The following RORA variants were observed in gnomAD, a reference collection of about 807,000 sequenced individuals.
RORA encodes RAR related orphan receptor A, also known as nuclear receptor ROR-alpha.
Under a neutral mutation model 69.5 loss-of-function variants are expected in RORA, and 7 were observed. That is an observed-to-expected ratio of 0.10 (90% confidence interval 0.06 to 0.19). The LOEUF is 0.19. RORA is among the 10% of genes least tolerant of loss of function. The pLI, the probability that RORA is intolerant of heterozygous loss-of-function variation, is 1.00. For missense variants in RORA, 457 were observed against 663.0 expected (o/e 0.69, Z 3.41); for synonymous variants, 261 against 240.8 (o/e 1.08, Z -0.78).
Position 61,053,860 on chromosome 15 carries a change from T to TATATATATATATATATATAA in RORA, c.166+175192_166+175193insTTATATATATATATATATAT, listed in dbSNP as rs1427951896. Among the ~76,000 whole-genome samples, 7 of 139,476 alleles carry TATATATATATATATATATAA rather than the reference T, an allele frequency of 5.0e-5. 1 individual carries two copies. Among genetic ancestry groups the TATATATATATATATATATAA allele is most frequent in the African/African-American group, 1.9e-4 (7 of 37,444 alleles). The allele number at this position is 139,476 out of a possible 152,430, so 91.5% of individuals were successfully genotyped here. ...GTTTAGACTTCATGATATATATATA[T>TATATATATATATATATATAA]ATAAACATTCTTCAGGGAGGGTTTC... On this transcript the variant is annotated intron_variant, in intron 1 of 10. Transcript: ENST00000335670.
intron 1 of RORA, among the ~76,000 whole-genome samples, chr15:60,975,222 C>A (rs536209154): frequency 1.3e-5 from 2 of 152,350 alleles, no homozygotes; most frequent in Non-Finnish European, 2.9e-5. Context: ...AGCAAGTCGC[C>A]TGGGCAGGGA....
chr15:60,969,595 G>A (rs1197008798), intron 1 of RORA, among the ~76,000 whole-genome samples: 1 of 152,160 alleles, frequency 6.6e-6, no homozygotes, highest in Non-Finnish European at 1.5e-5. Flanking sequence ...GATGAAGACA[G>A]GGAGAGATTC....
At chr15:61,070,014 T>C (rs1178567746) in intron 1 of RORA, among the ~76,000 whole-genome samples, 4 of 152,232 alleles carry the variant, frequency 2.6e-5, no homozygotes, top group Non-Finnish European at 1.5e-5. Context: ...AAAAGTATGT[T>C]TATTTTTTCT....
At chr15:60,687,173 A>G (rs2070762333) in intron 1 of RORA, among the ~76,000 whole-genome samples, 3 of 152,192 alleles carry the variant, frequency 2.0e-5, no homozygotes, top group Non-Finnish European at 4.4e-5. Context: ...TTTGGAGGAA[A>G]TGAGGCCCAC....
rs550386333 is a variant in RORA at position 60,581,134 on chromosome 15, T to C, written c.197-49283A>G. 1.5e-4 allele frequency among the ~76,000 whole-genome samples: 23 copies of C among 152,294 alleles called. No homozygotes were observed. The South Asian group carries it at 4.1e-3, about 27-fold the overall frequency. Reference sequence around the variant, plus strand: ...GCAAACGAAAACATTCTGAAAACACTCGATCCATCTTAACAGTCGAAATGA... The same window carrying C: ...GCAAACGAAAACATTCTGAAAACACCCGATCCATCTTAACAGTCGAAATGA... On this transcript the variant is annotated intron_variant, in intron 2 of 10. Transcript: ENST00000335670.
intron 1 of RORA, among the ~76,000 whole-genome samples, chr15:60,811,228 C>T (rs1368594664): frequency 6.6e-6 from 1 of 152,176 alleles, no homozygotes; most frequent in Non-Finnish European, 1.5e-5. Context: ...ATTGCTATTT[C>T]AACAGACTTT....
chr15:60,501,291 T>C lies in RORA; in HGVS notation c.1184-222A>G, dbSNP rs551370404. 1.7e-3 allele frequency among the ~76,000 whole-genome samples: 260 copies of C among 152,316 alleles called. 1 individual carries two copies. Among genetic ancestry groups the C allele is most frequent in the African/African-American group, 6.0e-3 (248 of 41,576 alleles). ...AATCTTAAAAGAAAAATCTGTTTAG[T>C]CATCACCACCACTTCCATCACATCA... On this transcript the variant is annotated intron_variant, in intron 8 of 10. Transcript: ENST00000335670.
At chr15:60,715,368 C>CA (rs1349040954) in intron 1 of RORA, among the ~76,000 whole-genome samples, 1 of 152,208 alleles carries the variant, frequency 6.6e-6, no homozygotes, top group East Asian at 1.9e-4. Flanking sequence ...AGCTGTAAAA[C>CA]ATCTTCTTCC....
chr15:60,864,009 A>T (rs1277482194), intron 1 of RORA, among the ~76,000 whole-genome samples: 1 of 152,022 alleles, frequency 6.6e-6, no homozygotes, highest in Non-Finnish European at 1.5e-5. Context: ...ATTTCACCAT[A>T]TTGGCCAGGC....
chr15:60,938,450 G>T (rs1892592807), intron 1 of RORA, among the ~76,000 whole-genome samples: 1 of 152,232 alleles, frequency 6.6e-6, no homozygotes, highest in Admixed American at 6.5e-5. Context: ...GGCCAGTTTA[G>T]TTGCCACTGT....
chr15:61,046,869 C>T (rs1264716559), intron 1 of RORA, among the ~76,000 whole-genome samples: 1 of 152,176 alleles, frequency 6.6e-6, no homozygotes, highest in East Asian at 1.9e-4. Flanking sequence ...AAAACGAGGA[C>T]TCTTGGAGGT....
chr15:60,653,694 T>C (rs1175557319), intron 2 of RORA, among the ~76,000 whole-genome samples: 1 of 152,226 alleles, frequency 6.6e-6, no homozygotes, highest in East Asian at 1.9e-4. Context: ...AATGGACTTT[T>C]CATGGCACTG....
chr15:60,549,597 A>G (rs2067171986), intron 2 of RORA, among the ~76,000 whole-genome samples: 1 of 152,318 alleles, frequency 6.6e-6, no homozygotes, highest in African/African-American at 2.4e-5. Context: ...TTAAACACCA[A>G]GGTAAATTCT....
At chr15:60,586,022 T>G (rs894748547) in intron 2 of RORA, among the ~76,000 whole-genome samples, 7 of 152,202 alleles carry the variant, frequency 4.6e-5, no homozygotes, top group African/African-American at 1.7e-4. Flanking sequence ...GAAAAATACC[T>G]GAAATGCTTC....
intron 3 of RORA, among the ~76,000 whole-genome samples, chr15:60,524,821 AT>A (rs2066294199): frequency 6.6e-6 from 1 of 152,226 alleles, no homozygotes; most frequent in Non-Finnish European, 1.5e-5. Flanking sequence ...TGCCATCATT[AT>A]TTGCAATCCG....
At position 61,007,520 on chromosome 15, in the gene RORA, T is replaced by C. The variant is rs568255194; in HGVS notation, c.166+221533A>G. On this transcript the variant is annotated intron_variant, in intron 1 of 10. Transcript: ENST00000335670. Reference sequence around the variant, plus strand: ...TGAAATGTTCAATACGTTTGTGTTGTTTTGATCAAATTTGTTCTAAAAATC... The same window carrying C: ...TGAAATGTTCAATACGTTTGTGTTGCTTTGATCAAATTTGTTCTAAAAATC... Among the ~76,000 whole-genome samples, 25 of 152,166 alleles carry C rather than the reference T, an allele frequency of 1.6e-4. No individual in the cohort carries two copies. The South Asian group carries it at 5.2e-3, about 32-fold the overall frequency.
At chr15:60,518,757 G>C (rs145556822) in intron 3 of RORA, among the ~76,000 whole-genome samples, 35 of 152,246 alleles carry the variant, frequency 2.3e-4, no homozygotes, top group African/African-American at 7.7e-4. Flanking sequence ...AAACACCATG[G>C]AGGCTCTTGG....
chr15:60,891,673 C>A (rs1028781430), intron 1 of RORA, among the ~76,000 whole-genome samples: 1 of 152,192 alleles, frequency 6.6e-6, no homozygotes. Flanking sequence ...CTGCTCTGGC[C>A]TCTGCCTGTC....
rs1487515943 is a variant in RORA at position 60,490,838 on chromosome 15, A to G, written c.*6617T>C. 1.3e-5 allele frequency: 2 copies of G among 152,170 alleles called. No homozygotes were observed. The highest frequency in any genetic ancestry group is 2.9e-5 in the Non-Finnish European group (2 of 68,016). 9.4% of individuals were successfully genotyped at this position (152,170 alleles called of 1,614,324 possible). ...ACAGTTTGCAAATAAACCACCTAAC[A>G]CTGCAGTTCTTTATACATATTAAAA... On this transcript the variant is annotated 3_prime_UTR_variant, in exon 11 of 11. Transcript: ENST00000335670. This position sits in a 1 kb window ranked among gnomAD's most constrained non-coding sequence, Gnocchi z 4.1.
Sources: allele counts gnomAD v4.1 joint callset (sites outside exome capture counted in the v4.1 genomes callset), GRCh38; gene constraint gnomAD v4.1.1; non-coding constraint Gnocchi (gnomAD v3.1); transcripts MANE v1.5; gene names NCBI Gene and HGNC (gene_info 2026-07-23, HGNC 2026-07-21).